LEPR: variants seen among roughly 807,000 people sequenced by gnomAD.
The protein encoded by LEPR is OB receptor.
In LEPR, 56 loss-of-function variants were observed where a neutral mutation model predicts 114.7. The ratio of observed to expected loss-of-function variants is 0.49; its 90% CI spans 0.39 to 0.61. The LOEUF (loss-of-function observed/expected upper bound fraction) is 0.61, where lower values mean the gene tolerates loss of function less well. LEPR is among the 20% of genes least tolerant of loss of function. The pLI is 0.00. For synonymous variants in LEPR, 443 were observed against 461.4 expected (o/e 0.96, Z 0.51); for missense variants, 1,202 against 1,352.9 (o/e 0.89, Z 1.75).
chr1:65,582,738 CTTA>C (rs1655073727), intron 5 of LEPR, among the ~76,000 whole-genome samples: 1 of 152,292 alleles, frequency 6.6e-6, no homozygotes, highest in East Asian at 1.9e-4. Flanking sequence ...AGTCCCATCT[CTTA>C]TTGTCAACTC....
At chr1:65,616,589 G>T (rs962933856) in intron 15 of LEPR, among the ~76,000 whole-genome samples, 1 of 151,746 alleles carries the variant, frequency 6.6e-6, no homozygotes, top group African/African-American at 2.4e-5. Flanking sequence ...ATATAAATAT[G>T]TAAAAATAAG....
chr1:65,570,157 AAAT>A (rs2100802981), intron 3 of LEPR, among the ~76,000 whole-genome samples: 1 of 152,358 alleles, frequency 6.6e-6, no homozygotes, highest in Non-Finnish European at 1.5e-5. Context: ...TAGAAAGGAA[AAAT>A]AAAATATTCA....
intron 2 of LEPR, among the ~76,000 whole-genome samples, chr1:65,459,052 G>A (rs1165824970): frequency 6.6e-6 from 1 of 152,306 alleles, no homozygotes; most frequent in African/African-American, 2.4e-5. Context: ...TACACCTTTA[G>A]TGTGAGATTT....
At chr1:65,488,300 CTCTT>C (rs1647682045) in intron 2 of LEPR, among the ~76,000 whole-genome samples, 5 of 143,356 alleles carry the variant, frequency 3.5e-5, no homozygotes, top group Admixed American at 7.2e-5. Context: ...CTCTCTCTCT[CTCTT>C]TCTCTTTCTC....
At chr1:65,630,696 T>TTGTGTG (rs71058415) in intron 19 of LEPR, among the ~76,000 whole-genome samples, 28 of 149,650 alleles carry the variant, frequency 1.9e-4, no homozygotes, top group South Asian at 4.2e-4. Flanking sequence ...TTTCTTTGTT[T>TTGTGTG]TGTGTGTGTG....
intron 19 of LEPR, among the ~76,000 whole-genome samples, chr1:65,627,561 G>T (rs1390385890): frequency 1.3e-5 from 2 of 152,054 alleles, no homozygotes; most frequent in African/African-American, 4.8e-5. Context: ...TTCTTCAAAA[G>T]GTTAAACATA....
intron 19 of LEPR, chr1:65,634,143 T>G (rs1658627141): frequency 1.0e-6 from 1 of 985,246 alleles, no homozygotes; most frequent in African/African-American, 1.7e-5. Flanking sequence ...ACACGAATTA[T>G]GCTGCGTTGC....
At chr1:65,483,085 C>T (rs1458662933) in intron 2 of LEPR, among the ~76,000 whole-genome samples, 3 of 151,538 alleles carry the variant, frequency 2.0e-5, no homozygotes, top group East Asian at 1.9e-4. Context: ...AAACACAAAG[C>T]GCACAAACCA....
intron 2 of LEPR, among the ~76,000 whole-genome samples, chr1:65,532,360 G>A (rs1046095861): frequency 6.6e-6 from 1 of 152,142 alleles, no homozygotes; most frequent in African/African-American, 2.4e-5. Context: ...CAGCAGGGAT[G>A]GATACTCGTG....
chr1:65,609,031 T>G (rs1657002357), intron 12 of LEPR, 130 bp downstream of exon 12: 15 of 1,193,342 alleles, frequency 1.3e-5, no homozygotes, highest in Non-Finnish European at 1.4e-5. Flanking sequence ...CTATTTTCAT[T>G]AAATAGATTT....
chr1:65,475,022 A>AG (rs1647139445), intron 2 of LEPR, among the ~76,000 whole-genome samples: 1 of 147,576 alleles, frequency 6.8e-6, no homozygotes, highest in Non-Finnish European at 1.5e-5. Flanking sequence ...AAAAAAAAAA[A>AG]AAAAAAAGTA....
chr1:65,599,686 T>C (rs1360042205), intron 8 of LEPR, among the ~76,000 whole-genome samples: 1 of 152,114 alleles, frequency 6.6e-6, no homozygotes, highest in Non-Finnish European at 1.5e-5. Context: ...ATCTGTAAAA[T>C]AGGGATGTTT....
At chr1:65,572,681 TGTTCA>T (rs67126340) in intron 5 of LEPR, among the ~76,000 whole-genome samples, 93 of 152,270 alleles carry the variant, frequency 6.1e-4, no homozygotes, top group South Asian at 2.3e-3. Context: ...GTATACCAAA[TGTTCA>T]GTTCAAGTTC....
chr1:65,422,321 A>G (rs1198873512), intron 1 of LEPR, among the ~76,000 whole-genome samples: 2 of 125,654 alleles, frequency 1.6e-5, no homozygotes, highest in East Asian at 6.4e-4. Flanking sequence ...CAAAGTCAGG[A>G]GCACCAAAGA....
At chr1:65,532,184 A>G (rs1650450336) in intron 2 of LEPR, among the ~76,000 whole-genome samples, 1 of 152,162 alleles carries the variant, frequency 6.6e-6, no homozygotes. Context: ...CATGGGCTTA[A>G]TGCAGTTCTT....
At chr1:65,426,068 T>C (rs1030853630) in intron 2 of LEPR, among the ~76,000 whole-genome samples, 33 of 138,976 alleles carry the variant, frequency 2.4e-4, no homozygotes, top group Admixed American at 4.8e-4. Context: ...GTAGAAATGG[T>C]ACAAAAGATG....
chr1:65,521,149 G>A (rs564519320), intron 2 of LEPR, among the ~76,000 whole-genome samples: 16 of 152,332 alleles, frequency 1.1e-4, no homozygotes, highest in Non-Finnish European at 2.1e-4. Context: ...TGATTCTGGT[G>A]TTAGCTCTGT....
chr1:65,455,892 C>T (rs930769963), intron 2 of LEPR, among the ~76,000 whole-genome samples: 3 of 152,194 alleles, frequency 2.0e-5, no homozygotes, highest in South Asian at 2.1e-4. Flanking sequence ...TTGCTGCCGC[C>T]TTGCAGTTTG....
rs538899243 is a variant in LEPR at position 65,641,060 on chromosome 1, G to C, written c.*4045G>C. 11 of 152,172 alleles carry C rather than the reference G, an allele frequency of 7.2e-5. No individual in the cohort carries two copies. Among genetic ancestry groups the C allele is most frequent in the Non-Finnish European group, 1.2e-4 (8 of 68,026 alleles). The allele number at this position is 152,172 out of a possible 1,614,324, so 9.4% of individuals were successfully genotyped here. On this transcript the variant is annotated 3_prime_UTR_variant, in exon 20 of 20. Coordinates refer to ENST00000349533, the MANE Select transcript of LEPR (RefSeq NM_002303.6). Reference sequence around the variant, plus strand: ...CAAAGTTCTGGGATTACAGGTGTGAGAGCTGCCGCGCCTAGCCCTTCATGA... The same window carrying C: ...CAAAGTTCTGGGATTACAGGTGTGACAGCTGCCGCGCCTAGCCCTTCATGA...
Sources: gnomAD v4.1 joint callset for allele counts (sites outside exome capture counted in the v4.1 genomes callset) on GRCh38, gnomAD v4.1.1 for gene constraint, MANE v1.5 for transcripts, NCBI Gene and HGNC (gene_info 2026-07-23, HGNC 2026-07-21) for gene names.